The following RBFOX1 variants were observed in gnomAD, a reference collection of about 807,000 sequenced individuals.
The protein encoded by RBFOX1 is RNA binding fox-1 homolog 1.
RBFOX1 carries 8 observed loss-of-function variants against 57.7 expected under a neutral mutation model. The observed-to-expected ratio is 0.14, with a 90% CI of 0.08 to 0.25. The LOEUF is 0.25. Ranked by LOEUF, RBFOX1 falls within the 10% of genes least tolerant of loss-of-function variation. The pLI is 1.00. For missense variants in RBFOX1, 611 were observed against 548.5 expected (o/e 1.11, Z -1.14); for synonymous variants, 326 against 222.4 (o/e 1.47, Z -4.15).
Position 6,988,287 on chromosome 16 carries a change from T to C in RBFOX1, c.-15-63770T>C, listed in dbSNP as rs530498501. Among the ~76,000 whole-genome samples, 22 of 152,316 alleles carry C rather than the reference T, an allele frequency of 1.4e-4. 1 individual carries two copies. The highest frequency in any genetic ancestry group is 6.5e-4 in the Admixed American group (10 of 15,292). On this transcript the variant is annotated intron_variant, in intron 3 of 15. Transcript: ENST00000550418. ...CTCTCAGCAAAGCCCTATAGACCTT[T>C]AGAGCAGTGTAGTCTATTGGAGTTT...
intron 4 of RBFOX1, among the ~76,000 whole-genome samples, chr16:5,985,086 C>T (rs1409864954): frequency 6.7e-6 from 1 of 149,294 alleles, no homozygotes; most frequent in South Asian, 2.2e-4. Context: ...CCCGGGTTCA[C>T]ACCATTCTCC....
chr16:7,379,464 G>C (rs767909501), intron 4 of RBFOX1, among the ~76,000 whole-genome samples: 1 of 152,172 alleles, frequency 6.6e-6, no homozygotes, highest in Non-Finnish European at 1.5e-5. Context: ...CTTTATATAA[G>C]AAGAATGGCT....
intron 1 of RBFOX1, among the ~76,000 whole-genome samples, chr16:6,130,821 A>G (rs1307068209): frequency 6.6e-6 from 1 of 152,212 alleles, no homozygotes; most frequent in South Asian, 2.1e-4. Context: ...TGAGGAAGAT[A>G]TAACAGCCCT....
At chr16:5,808,892 C>T (rs1316435382) in intron 3 of RBFOX1, among the ~76,000 whole-genome samples, 2 of 152,116 alleles carry the variant, frequency 1.3e-5, no homozygotes, top group Non-Finnish European at 2.9e-5. Context: ...CCCTGTTTTC[C>T]TAATTAAATA....
At chr16:7,358,655 G>A (rs368010881) in intron 4 of RBFOX1, among the ~76,000 whole-genome samples, 2 of 152,100 alleles carry the variant, frequency 1.3e-5, no homozygotes, top group African/African-American at 4.8e-5. Context: ...CCTGGCCTCA[G>A]GTGATCCACC....
At chr16:6,545,677 C>T (rs765918282) in intron 2 of RBFOX1, among the ~76,000 whole-genome samples, 10 of 152,204 alleles carry the variant, frequency 6.6e-5, no homozygotes, top group Admixed American at 5.9e-4. Flanking sequence ...ATGGTGTCCC[C>T]AGAACCCATG....
intron 4 of RBFOX1, among the ~76,000 whole-genome samples, chr16:5,944,987 AAGAG>A (rs1555453187): frequency 3.0e-4 from 29 of 97,090 alleles, no homozygotes; most frequent in East Asian, 9.0e-4. Flanking sequence ...AAAAAAAAAA[AAGAG>A]AGAGAGAGAG....
At chr16:7,595,305 T>C (rs1002313534) in intron 7 of RBFOX1, among the ~76,000 whole-genome samples, 1 of 152,214 alleles carries the variant, frequency 6.6e-6, no homozygotes, top group Admixed American at 6.5e-5. Context: ...TAGAAAGGTA[T>C]TTTTGGTATC....
At chr16:6,896,795 G>A (rs2153395630) in intron 3 of RBFOX1, among the ~76,000 whole-genome samples, 1 of 152,292 alleles carries the variant, frequency 6.6e-6, no homozygotes, top group East Asian at 1.9e-4. Flanking sequence ...AGAGGTGGGA[G>A]CATTTGAGAT....
intron 4 of RBFOX1, among the ~76,000 whole-genome samples, chr16:7,321,191 C>G (rs554095783): frequency 1.6e-4 from 24 of 151,922 alleles, no homozygotes; most frequent in African/African-American, 5.8e-4. Context: ...GCTGCCCAGG[C>G]TGGAGTGCAG....
At chr16:7,202,449 C>G (rs1201118154) in intron 4 of RBFOX1, among the ~76,000 whole-genome samples, 1 of 152,018 alleles carries the variant, frequency 6.6e-6, no homozygotes, top group Non-Finnish European at 1.5e-5. Flanking sequence ...ATAGAACTGC[C>G]AGATGATCCA....
At chr16:6,658,945 G>T (rs61325644) in intron 3 of RBFOX1, among the ~76,000 whole-genome samples, 13,964 of 138,762 alleles carry the variant, frequency 0.1, 1,008 homozygotes, top group East Asian at 0.38. Context: ...TGTTTTTTTT[G>T]TTTTTTTTTT....
chr16:5,432,651 G>T (rs1469971582), intron 1 of RBFOX1, among the ~76,000 whole-genome samples: 1 of 147,890 alleles, frequency 6.8e-6, no homozygotes, highest in East Asian at 2.0e-4. Flanking sequence ...TCTGGTATCA[G>T]AGAAGACATG....
At chr16:5,978,885 G>T (rs554880425) in intron 4 of RBFOX1, among the ~76,000 whole-genome samples, 48 of 152,242 alleles carry the variant, frequency 3.2e-4, no homozygotes, top group Non-Finnish European at 4.3e-4. Context: ...TCATCACGGT[G>T]CCCACTTTGG....
At chr16:5,463,503 A>G (rs968013814) in intron 1 of RBFOX1, among the ~76,000 whole-genome samples, 5 of 152,226 alleles carry the variant, frequency 3.3e-5, no homozygotes, top group Non-Finnish European at 7.3e-5. Context: ...AAAGTGTTTT[A>G]AACCAGTTCA....
chr16:7,120,838 C>CACACACACACACACACACACACACAT (rs1555491049), intron 4 of RBFOX1, among the ~76,000 whole-genome samples: 9 of 141,614 alleles, frequency 6.4e-5, no homozygotes, highest in African/African-American at 1.6e-4. Flanking sequence ...TATACACACA[C>CACACACACACACACACACACACACAT]ACACACACAC....
intron 3 of RBFOX1, among the ~76,000 whole-genome samples, chr16:5,688,595 T>TATC (rs144634252): frequency 0.015 from 2,248 of 152,226 alleles, 44 homozygotes; most frequent in African/African-American, 0.051. Flanking sequence ...CAACATGAAC[T>TATC]GGATGGGTGA....
intron 4 of RBFOX1, among the ~76,000 whole-genome samples, chr16:7,096,705 G>T (rs571063049): frequency 6.6e-6 from 1 of 152,042 alleles, no homozygotes; most frequent in Non-Finnish European, 1.5e-5. Flanking sequence ...GCTGACGCAG[G>T]TATATCACCT....
chr16:7,700,266 C>G (rs965675582), intron 14 of RBFOX1, among the ~76,000 whole-genome samples: 5 of 152,144 alleles, frequency 3.3e-5, no homozygotes, highest in African/African-American at 1.2e-4. Context: ...ATAACTGTCA[C>G]TTGTTTAGTC....
Sources: gnomAD v4.1 joint callset for allele counts (sites outside exome capture counted in the v4.1 genomes callset) on GRCh38, gnomAD v4.1.1 for gene constraint, MANE v1.5 for transcripts, NCBI Gene and HGNC (gene_info 2026-07-23, HGNC 2026-07-21) for gene names.